SIMC1: variants seen among roughly 807,000 people sequenced by gnomAD.
SIMC1 encodes the protein SUMO interacting motifs containing 1, also known as SUMO-interacting motif-containing protein 1.
A neutral mutation model predicts 82.3 loss-of-function variants in SIMC1; 55 were observed. The observed-to-expected ratio is 0.67, with a 90% confidence interval of 0.54 to 0.84. The LOEUF (loss-of-function observed/expected upper bound fraction) is 0.84. Among genes scored for constraint, SIMC1 ranks in the 40% least tolerant of loss-of-function variants. SIMC1 has a pLI of 0.00. For missense variants in SIMC1, 915 were observed against 1,107.2 expected (o/e 0.83, Z 2.46); for synonymous variants, 353 against 426.3 (o/e 0.83, Z 2.12).
chr5:176,292,289 T>C (rs1281891911), intron 2 of SIMC1, among the ~76,000 whole-genome samples: 1 of 152,144 alleles, frequency 6.6e-6, no homozygotes, highest in Non-Finnish European at 1.5e-5. Flanking sequence ...GGAAAATAAC[T>C]GGCTAAGTTC....
At chr5:176,331,539 T>C (rs1765671225) in intron 7 of SIMC1, among the ~76,000 whole-genome samples, 1 of 150,816 alleles carries the variant, frequency 6.6e-6, no homozygotes, top group Admixed American at 6.6e-5. Context: ...GGTCTCGAAC[T>C]CCTGTCCTCA....
At chr5:176,296,453 C>G (rs1763821531) in intron 4 of SIMC1, 133 bp downstream of exon 4, 4 of 1,463,896 alleles carry the variant, frequency 2.7e-6, no homozygotes, top group Non-Finnish European at 3.7e-6. Context: ...AGTTTGAGCC[C>G]AGGAGTTCAA....
At chr5:176,344,524 A>G (rs904036421) in intron 9 of SIMC1, among the ~76,000 whole-genome samples, 4 of 152,038 alleles carry the variant, frequency 2.6e-5, no homozygotes, top group African/African-American at 9.7e-5. Flanking sequence ...TGGGTAATTT[A>G]TAAAGAAAAG....
At chr5:176,281,362 T>A (rs1762998799) in intron 1 of SIMC1, among the ~76,000 whole-genome samples, 1 of 152,234 alleles carries the variant, frequency 6.6e-6, no homozygotes, top group South Asian at 2.1e-4. Context: ...TTAACTTCTT[T>A]GCCTTTGGTT....
intron 1 of SIMC1, among the ~76,000 whole-genome samples, chr5:176,271,372 G>A (rs11953363): frequency 9.7e-4 from 148 of 152,100 alleles, no homozygotes; most frequent in African/African-American, 3.5e-3. Flanking sequence ...AAAAAAAAGT[G>A]TATGAGTAGA....
intron 1 of SIMC1, among the ~76,000 whole-genome samples, chr5:176,277,633 T>C (rs571341216): frequency 6.6e-6 from 1 of 152,194 alleles, no homozygotes; most frequent in African/African-American, 2.4e-5. Flanking sequence ...GTATAAGGTG[T>C]AAGGAAGGGA....
intron 1 of SIMC1, among the ~76,000 whole-genome samples, chr5:176,281,118 C>G (rs1371059797): frequency 2.6e-5 from 4 of 152,308 alleles, no homozygotes; most frequent in South Asian, 2.1e-4. Context: ...TTCTTGGAAG[C>G]TTTGTTCATT....
At chr5:176,296,184 C>T in intron 3 of SIMC1, 67 bp from the exon 4 acceptor site, 1 of 1,596,336 alleles carries the variant, frequency 6.3e-7, no homozygotes, top group African/African-American at 1.3e-5. Flanking sequence ...CCTTCTATCA[C>T]CTTCAGATCC....
At chr5:176,292,530 C>G (rs1449208345) in intron 2 of SIMC1, among the ~76,000 whole-genome samples, 6 of 152,076 alleles carry the variant, frequency 3.9e-5, no homozygotes, top group African/African-American at 1.4e-4. Flanking sequence ...TATGCCTCTG[C>G]CTGACCACTA....
chr5:176,294,162 T>C (rs1046665477), intron 2 of SIMC1, among the ~76,000 whole-genome samples: 4 of 152,244 alleles, frequency 2.6e-5, no homozygotes, highest in African/African-American at 9.6e-5. Context: ...TTTTGTATTT[T>C]TCTGTCTATG....
At chr5:176,320,784 C>T (rs72825319) in intron 5 of SIMC1, among the ~76,000 whole-genome samples, 8,596 of 152,100 alleles carry the variant, frequency 0.057, 358 homozygotes, top group Non-Finnish European at 0.086. Context: ...AATAGGATAG[C>T]TCTTCTCTGC....
At chr5:176,279,022 G>A (rs1213561754) in intron 1 of SIMC1, among the ~76,000 whole-genome samples, 17 of 152,126 alleles carry the variant, frequency 1.1e-4, no homozygotes, top group African/African-American at 4.1e-4. Flanking sequence ...TTCAGAAGGA[G>A]TGGTACCAGC....
At chr5:176,293,206 G>C (rs1581264908) in intron 2 of SIMC1, among the ~76,000 whole-genome samples, 1 of 152,134 alleles carries the variant, frequency 6.6e-6, no homozygotes, top group Non-Finnish European at 1.5e-5. Flanking sequence ...GGGAGGCCGT[G>C]GTCGGTGGAT....
intron 7 of SIMC1, among the ~76,000 whole-genome samples, chr5:176,331,819 A>G (rs377714866): frequency 6.6e-6 from 1 of 151,940 alleles, no homozygotes; most frequent in Admixed American, 6.5e-5. Flanking sequence ...AAATACAAAA[A>G]TTAGCCAGGT....
At position 176,290,394 on chromosome 5, in the gene SIMC1, AG is replaced by A; in HGVS notation, c.873del (p.Leu292CysfsTer65). 1 of 1,613,994 alleles carries A rather than the reference AG, an allele frequency of 6.2e-7. No homozygotes were observed. The highest frequency in any genetic ancestry group is 8.5e-7 in the Non-Finnish European group (1 of 1,179,874). On this transcript the variant is annotated frameshift_variant, in exon 2 of 10. Transcript: ENST00000429602. LOFTEE classifies it high-confidence loss of function. ...CTCTGGGCCTACCTCAAGATGTGCC[AG>A]GGCTGCCTCAAAGCATATTACATCC... The part of the protein sequence containing the change: ...DSLGLPQDVP[G>X]LPQSILHPQD...
In SIMC1 at chr5:176,296,239, C is replaced by G. The variant is rs1188227053; in HGVS notation, c.1665-12C>G. 1 of 1,609,224 alleles carries G rather than the reference C, an allele frequency of 6.2e-7. No individual in the cohort carries two copies. Among genetic ancestry groups the G allele is most frequent in the African/African-American group, 1.3e-5 (1 of 74,796 alleles). Reference sequence around the variant, plus strand: ...TTCTCCATAATTCTAATTGATTTCACTTGACTTTCAGGCTACATCCAGCCA... The same window carrying G: ...TTCTCCATAATTCTAATTGATTTCAGTTGACTTTCAGGCTACATCCAGCCA... On this transcript the variant is annotated splice_polypyrimidine_tract_variant and intron_variant, in intron 3 of 9. Transcript: ENST00000429602.
intron 7 of SIMC1, among the ~76,000 whole-genome samples, chr5:176,336,131 G>A (rs1412028120): frequency 6.6e-6 from 1 of 151,130 alleles, no homozygotes; most frequent in Non-Finnish European, 1.5e-5. Context: ...GAAAGCAAGA[G>A]AAAGAAAGAG....
At chr5:176,331,257 C>T (rs1765649701) in intron 7 of SIMC1, among the ~76,000 whole-genome samples, 1 of 151,800 alleles carries the variant, frequency 6.6e-6, no homozygotes, top group South Asian at 2.1e-4. Flanking sequence ...GTAGTCCCAG[C>T]TACTCGGGAG....
chr5:176,305,441 T>C (rs796454125), intron 4 of SIMC1, among the ~76,000 whole-genome samples: 8 of 13,164 alleles, frequency 6.1e-4, no homozygotes, highest in Non-Finnish European at 9.4e-4. Flanking sequence ...CCGCCCCGTC[T>C]GGGAGGTGAG....
Sources: allele counts gnomAD v4.1 joint callset (sites outside exome capture counted in the v4.1 genomes callset), GRCh38; gene constraint gnomAD v4.1.1; transcripts MANE v1.5; gene names NCBI Gene and HGNC (gene_info 2026-07-23, HGNC 2026-07-21).